The following CCSER1 variants were observed in gnomAD, a reference collection of about 807,000 sequenced individuals.
CCSER1 encodes serine-rich coiled-coil domain-containing protein 1.
CCSER1 carries 41 observed loss-of-function variants against 82.0 expected under a neutral mutation model. The ratio of observed to expected loss-of-function variants is 0.50; its 90% confidence interval spans 0.39 to 0.65. The LOEUF is 0.65. CCSER1 is among the 30% of genes least tolerant of loss of function. The pLI, the probability that CCSER1 is intolerant of heterozygous loss-of-function variation, is 0.00. For synonymous variants in CCSER1, 414 were observed against 383.9 expected, an observed-to-expected ratio of 1.08 and a Z score of -0.92; for missense variants, 1,119 against 1,064.2, an observed-to-expected ratio of 1.05 and a Z score of -0.72.
At chr4:90,408,782 C>A (rs1235524799) in intron 4 of CCSER1, among the ~76,000 whole-genome samples, 1 of 152,148 alleles carries the variant, frequency 6.6e-6, no homozygotes, top group East Asian at 1.9e-4. Flanking sequence ...GCTGGACGGA[C>A]AATGACTTTG....
chr4:91,353,165 G>C (rs1356252109), intron 10 of CCSER1, among the ~76,000 whole-genome samples: 2 of 152,186 alleles, frequency 1.3e-5, no homozygotes, highest in African/African-American at 4.8e-5. Context: ...CTGAGTTGTA[G>C]AAGGAAGGGC....
intron 1 of CCSER1, among the ~76,000 whole-genome samples, chr4:90,193,959 T>G (rs2153398964): frequency 6.6e-6 from 1 of 152,190 alleles, no homozygotes; most frequent in East Asian, 1.9e-4. Flanking sequence ...AAATATGCTG[T>G]ATCAATTGTA....
At chr4:90,961,356 G>A (rs1286941251) in intron 9 of CCSER1, among the ~76,000 whole-genome samples, 2 of 152,040 alleles carry the variant, frequency 1.3e-5, no homozygotes, top group African/African-American at 4.8e-5. Flanking sequence ...AGTAACTGTA[G>A]CTCAATTCAA....
chr4:90,161,020 TA>T (rs976959832), intron 1 of CCSER1, among the ~76,000 whole-genome samples: 3 of 152,130 alleles, frequency 2.0e-5, no homozygotes, highest in African/African-American at 7.2e-5. Context: ...ATAAGCTACC[TA>T]AAAGAGAAAC....
intron 6 of CCSER1, among the ~76,000 whole-genome samples, chr4:90,656,028 C>T (rs1241354864): frequency 6.6e-6 from 1 of 151,890 alleles, no homozygotes; most frequent in Non-Finnish European, 1.5e-5. Context: ...TTCTTTCATT[C>T]TCTTCTACCC....
In CCSER1 at chr4:91,082,887, C is replaced by T. The variant is rs180863454; in HGVS notation, c.2173-3063C>T. Among the ~76,000 whole-genome samples, 1,441 of 152,188 alleles carry T rather than the reference C, an allele frequency of 9.5e-3. 18 individuals are homozygous for T. The highest frequency in any genetic ancestry group is 0.031 in the African/African-American group (1,295 of 41,514). On this transcript the variant is annotated intron_variant, in intron 9 of 10. Coordinates refer to ENST00000509176, the MANE Select transcript of CCSER1 (RefSeq NM_001145065.2). ...TACCATCTCACACCAGTTAGAATGACGATCATTAAAAAGTCAGGAAACTAC... is the reference window on the plus strand; with the variant it reads ...TACCATCTCACACCAGTTAGAATGATGATCATTAAAAAGTCAGGAAACTAC...
In CCSER1 at chr4:91,577,735, T is replaced by A. The variant is rs75102316; in HGVS notation, c.2218-20837T>A. 5.6e-3 allele frequency among the ~76,000 whole-genome samples: 845 copies of A among 152,172 alleles called. 12 individuals are homozygous for A. The highest frequency in any genetic ancestry group is 0.019 in the African/African-American group (789 of 41,548). Reference sequence around the variant, plus strand: ...CCTAAGCTCTTGAACTAGCAGATTCTGCTGCCTTTTATTTCAGGATATATT... The same window carrying A: ...CCTAAGCTCTTGAACTAGCAGATTCAGCTGCCTTTTATTTCAGGATATATT... On this transcript the variant is annotated intron_variant, in intron 10 of 10. Transcript: ENST00000509176.
At chr4:91,378,287 A>G (rs1314622148) in intron 10 of CCSER1, among the ~76,000 whole-genome samples, 1 of 152,182 alleles carries the variant, frequency 6.6e-6, no homozygotes, top group East Asian at 1.9e-4. Context: ...TTCTGTGAAG[A>G]AAGTCAGTGG....
rs932131498 is a variant in CCSER1, at chr4:91,246,349, A to C, written c.2217+160355A>C. ...ATTTGCAAGCCTCATTTTAGCCTCA[A>C]ATTGAGAAACGTACAACAGATACAC... On this transcript the variant is annotated intron_variant, in intron 10 of 10. Coordinates refer to ENST00000509176, the MANE Select transcript of CCSER1 (RefSeq NM_001145065.2). Among the ~76,000 whole-genome samples the C allele has an allele frequency of 2.5e-4, 38 of 152,216 alleles. 1 individual carries two copies. The highest frequency in any genetic ancestry group is 2.9e-5 in the Non-Finnish European group (2 of 68,036).
intron 3 of CCSER1, among the ~76,000 whole-genome samples, chr4:90,399,294 C>T (rs1047229628): frequency 1.3e-5 from 2 of 151,940 alleles, no homozygotes; most frequent in African/African-American, 4.8e-5. Context: ...TATTTGCCCT[C>T]TTGAAAATAA....
At chr4:91,003,801 C>G (rs968970654) in intron 9 of CCSER1, among the ~76,000 whole-genome samples, 1 of 152,184 alleles carries the variant, frequency 6.6e-6, no homozygotes, top group Non-Finnish European at 1.5e-5. Flanking sequence ...CCTTCTGTGG[C>G]CTTTTCCCAG....
chr4:91,288,622 A>G (rs1743504454), intron 10 of CCSER1, among the ~76,000 whole-genome samples: 1 of 152,016 alleles, frequency 6.6e-6, no homozygotes, highest in Admixed American at 6.6e-5. Context: ...AGGGAACAAC[A>G]GCTACTGCAA....
At chr4:90,698,604 A>G (rs539731067) in intron 6 of CCSER1, among the ~76,000 whole-genome samples, 1 of 152,312 alleles carries the variant, frequency 6.6e-6, no homozygotes, top group East Asian at 1.9e-4. Context: ...AAATGATCCA[A>G]CTATGGTCAA....
At chr4:91,015,495 G>A (rs1426966879) in intron 9 of CCSER1, 4 of 151,770 alleles carry the variant, frequency 2.6e-5, no homozygotes, top group Admixed American at 2.0e-4. Flanking sequence ...ATGCCTTTAG[G>A]TATGAAATTA....
chr4:91,268,170 A>G (rs374943346), intron 10 of CCSER1, among the ~76,000 whole-genome samples: 190 of 152,332 alleles, frequency 1.2e-3, no homozygotes, highest in African/African-American at 4.4e-3. Context: ...TGCATGGTAA[A>G]TTTCTACTAT....
intron 9 of CCSER1, among the ~76,000 whole-genome samples, chr4:91,031,378 A>G (rs1428632935): frequency 6.6e-6 from 1 of 152,168 alleles, no homozygotes; most frequent in African/African-American, 2.4e-5. Flanking sequence ...GGTCTACTGT[A>G]GCACAAGGAA....
At chr4:91,013,957 G>A (rs1206724477) in intron 9 of CCSER1, among the ~76,000 whole-genome samples, 1 of 131,092 alleles carries the variant, frequency 7.6e-6, no homozygotes, top group Non-Finnish European at 1.8e-5. Flanking sequence ...TGTTGTTGTT[G>A]TTTTGTATTT....
At chr4:90,945,774 A>G (rs1029517036) in intron 9 of CCSER1, among the ~76,000 whole-genome samples, 1 of 152,232 alleles carries the variant, frequency 6.6e-6, no homozygotes, top group African/African-American at 2.4e-5. Context: ...TCCAGGCATC[A>G]TTGAACTCTA....
At chr4:90,205,369 C>T (rs144764295) in intron 1 of CCSER1, among the ~76,000 whole-genome samples, 8,394 of 152,202 alleles carry the variant, frequency 0.055, 650 homozygotes, top group African/African-American at 0.17. Context: ...TAGGTTCCCT[C>T]AATACCTAGT....
Sources: allele counts gnomAD v4.1 joint callset (sites outside exome capture counted in the v4.1 genomes callset), GRCh38; gene constraint gnomAD v4.1.1; transcripts MANE v1.5; gene names NCBI Gene and HGNC (gene_info 2026-07-23, HGNC 2026-07-21).